Variants in COL8A1 observed in about 807,000 individuals in gnomAD.
COL8A1 encodes the protein collagen type VIII alpha 1 chain.
A neutral mutation model predicts 42.7 loss-of-function variants in COL8A1; 21 were observed. The ratio of observed to expected loss-of-function variants is 0.49; its 90% CI spans 0.35 to 0.71. The LOEUF is 0.71. Among genes scored for constraint, COL8A1 ranks in the 30% least tolerant of loss-of-function variants. COL8A1 has a pLI of 0.01. For missense variants in COL8A1, 788 were observed against 962.4 expected (o/e 0.82, Z 2.40); for synonymous variants, 367 against 369.1 (o/e 0.99, Z 0.06).
intron 2 of COL8A1, among the ~76,000 whole-genome samples, chr3:99,754,527 A>G (rs1576464053): frequency 1.3e-5 from 2 of 152,298 alleles, no homozygotes; most frequent in Admixed American, 1.3e-4. Flanking sequence ...GCAGTAAACA[A>G]TAACACTCAT....
rs1028736525 is a variant in COL8A1 at position 99,796,923 on chromosome 3, T to C, written c.*787T>C. ...ACATGAGCAGTAATTAACTCACTTG[T>C]TCCCCAGAGTTTCTATTTGTTTTGA... On this transcript the variant is annotated 3_prime_UTR_variant, in exon 4 of 4. Transcript: ENST00000652472. The C allele has an allele frequency of 6.6e-6, 1 of 152,180 alleles. No individual in the cohort carries two copies. Among genetic ancestry groups the C allele is most frequent in the Non-Finnish European group, 1.5e-5 (1 of 68,022 alleles). The allele number at this position is 152,180 out of a possible 1,614,324, so 9.4% of individuals were successfully genotyped here.
chr3:99,768,529 G>A (rs538207432), intron 2 of COL8A1, among the ~76,000 whole-genome samples: 2 of 152,346 alleles, frequency 1.3e-5, no homozygotes, highest in Admixed American at 1.3e-4. Flanking sequence ...AGACCATGAG[G>A]GTCAGAGACA....
intron 1 of COL8A1, among the ~76,000 whole-genome samples, chr3:99,658,943 C>T (rs1275107617): frequency 6.6e-6 from 1 of 152,192 alleles, no homozygotes; most frequent in Non-Finnish European, 1.5e-5. Flanking sequence ...CATGATTCCA[C>T]ATCCCCACTA....
intron 2 of COL8A1, among the ~76,000 whole-genome samples, chr3:99,766,276 T>C (rs1941461636): frequency 6.6e-6 from 1 of 152,180 alleles, no homozygotes; most frequent in Non-Finnish European, 1.5e-5. Flanking sequence ...AGCTGATCAG[T>C]GACAAAGCCA....
At chr3:99,731,199 A>C (rs1185545098) in intron 1 of COL8A1, among the ~76,000 whole-genome samples, 2 of 152,164 alleles carry the variant, frequency 1.3e-5, no homozygotes, top group Non-Finnish European at 2.9e-5. Context: ...CTGCTACTAC[A>C]GAATTAAAGA....
At chr3:99,666,352 A>C (rs1938368202) in intron 1 of COL8A1, among the ~76,000 whole-genome samples, 1 of 151,736 alleles carries the variant, frequency 6.6e-6, no homozygotes, top group Non-Finnish European at 1.5e-5. Flanking sequence ...GAGCTTCAAA[A>C]TGTCTCAGCT....
chr3:99,677,153 T>C (rs1001800256), intron 1 of COL8A1, among the ~76,000 whole-genome samples: 1 of 151,774 alleles, frequency 6.6e-6, no homozygotes, highest in Non-Finnish European at 1.5e-5. Context: ...TACATATATA[T>C]ATATAAGCAC....
At chr3:99,684,257 C>T (rs983127133) in intron 1 of COL8A1, among the ~76,000 whole-genome samples, 1 of 152,120 alleles carries the variant, frequency 6.6e-6, no homozygotes, top group Non-Finnish European at 1.5e-5. Context: ...CTGTACTGGA[C>T]ATTTTATATA....
At chr3:99,670,311 T>C (rs903262368) in intron 1 of COL8A1, among the ~76,000 whole-genome samples, 19 of 152,064 alleles carry the variant, frequency 1.2e-4, no homozygotes, top group African/African-American at 4.6e-4. Flanking sequence ...ATACATTGAA[T>C]AGAACTACAC....
chr3:99,666,494 T>C (rs1040777670), intron 1 of COL8A1, among the ~76,000 whole-genome samples: 6 of 152,222 alleles, frequency 3.9e-5, no homozygotes, highest in Non-Finnish European at 8.8e-5. Context: ...AGTGGGACAG[T>C]TGATATGGTT....
intron 2 of COL8A1, among the ~76,000 whole-genome samples, chr3:99,787,553 C>T (rs1243923726): frequency 1.3e-5 from 2 of 152,110 alleles, no homozygotes; most frequent in African/African-American, 4.8e-5. Context: ...TAACTTAAAT[C>T]TGAATAGTCC....
intron 2 of COL8A1, among the ~76,000 whole-genome samples, chr3:99,755,869 GGAGTTCAGAGTTTACAT>G (rs1941243928): frequency 6.6e-6 from 1 of 152,130 alleles, no homozygotes; most frequent in African/African-American, 2.4e-5. Flanking sequence ...GCTGTGGAGG[GGAGTTCAGAGTTTACAT>G]GAACTGGGGT....
chr3:99,690,706 T>G (rs1939192469), intron 1 of COL8A1, among the ~76,000 whole-genome samples: 1 of 152,228 alleles, frequency 6.6e-6, no homozygotes, highest in Admixed American at 6.5e-5. Flanking sequence ...CTCATAATGT[T>G]CCACAGAATG....
intron 1 of COL8A1, among the ~76,000 whole-genome samples, chr3:99,737,307 A>T (rs1466821139): frequency 6.6e-6 from 1 of 150,450 alleles, no homozygotes; most frequent in Non-Finnish European, 1.5e-5. Context: ...TAGTTGATGC[A>T]GTTTCTTCCT....
At chr3:99,780,881 A>T (rs1040255079) in intron 2 of COL8A1, among the ~76,000 whole-genome samples, 1 of 152,132 alleles carries the variant, frequency 6.6e-6, no homozygotes, top group Non-Finnish European at 1.5e-5. Context: ...CCACCCCTTA[A>T]ATAAATGGAA....
chr3:99,649,016 C>T (rs1937749773), intron 1 of COL8A1, among the ~76,000 whole-genome samples: 1 of 152,106 alleles, frequency 6.6e-6, no homozygotes, highest in African/African-American at 2.4e-5. Flanking sequence ...CCCCCATGCT[C>T]ACATTCTGTT....
chr3:99,744,562 T>C (rs1275736826), intron 1 of COL8A1, among the ~76,000 whole-genome samples: 1 of 152,250 alleles, frequency 6.6e-6, no homozygotes, highest in East Asian at 1.9e-4. Context: ...TAAGTAAAAT[T>C]AACTTTTTTC....
At position 99,756,667 on chromosome 3, in the gene COL8A1, G is replaced by A. The variant is rs369296835; in HGVS notation, c.-4+11646G>A. Among the ~76,000 whole-genome samples the A allele has an allele frequency of 8.5e-5, 13 of 152,340 alleles. No individual in the cohort carries two copies. The East Asian group carries it at 1.7e-3, about 20-fold the overall frequency. On this transcript the variant is annotated intron_variant, in intron 2 of 3. Transcript: ENST00000652472. ...AATGTGCTTGGTCTCTGAGCCAGTG[G>A]TTCTTTTATGGGAACCAGGGTCTTC...
chr3:99,718,221 T>G (rs926673268), intron 1 of COL8A1, among the ~76,000 whole-genome samples: 3 of 152,018 alleles, frequency 2.0e-5, no homozygotes, highest in African/African-American at 7.2e-5. Flanking sequence ...CTATTATTTC[T>G]TGTGCACATC....
Sources: gnomAD v4.1 joint callset for allele counts (sites outside exome capture counted in the v4.1 genomes callset) on GRCh38, gnomAD v4.1.1 for gene constraint, MANE v1.5 for transcripts, NCBI Gene and HGNC (gene_info 2026-07-23, HGNC 2026-07-21) for gene names.